Variants in LRRTM4 observed in about 807,000 individuals in gnomAD.
LRRTM4 encodes the protein leucine rich repeat transmembrane neuronal 4, also known as leucine-rich repeat transmembrane neuronal protein 4.
LRRTM4 carries 25 observed loss-of-function variants against 47.6 expected under a neutral mutation model. The observed-to-expected ratio is 0.53, with a 90% confidence interval of 0.38 to 0.73. The LOEUF (loss-of-function observed/expected upper bound fraction) is 0.73. LRRTM4 is among the 30% of genes least tolerant of loss of function. The pLI is 0.00. For missense variants in LRRTM4, 638 were observed against 713.4 expected (o/e 0.89, Z 1.20); for synonymous variants, 311 against 269.5 (o/e 1.15, Z -1.51).
At chr2:76,908,634 C>A (rs368145397) in intron 3 of LRRTM4, among the ~76,000 whole-genome samples, 1 of 152,148 alleles carries the variant, frequency 6.6e-6, no homozygotes, top group Non-Finnish European at 1.5e-5. Context: ...TGATAAGCAA[C>A]TTCAGCAAAG....
intron 3 of LRRTM4, among the ~76,000 whole-genome samples, chr2:76,750,285 A>C (rs1159471057): frequency 6.6e-6 from 1 of 152,206 alleles, no homozygotes; most frequent in African/African-American, 2.4e-5. Flanking sequence ...CAGCACTAGC[A>C]CCAGAGAGAT....
At chr2:77,160,856 A>AT (rs992848139) in intron 3 of LRRTM4, among the ~76,000 whole-genome samples, 3 of 151,986 alleles carry the variant, frequency 2.0e-5, no homozygotes, top group South Asian at 2.1e-4. Context: ...TTTCTGTCTG[A>AT]TTTTTTCCTT....
intron 3 of LRRTM4, among the ~76,000 whole-genome samples, chr2:77,002,051 C>A (rs115054746): frequency 6.6e-6 from 1 of 152,106 alleles, no homozygotes; most frequent in Non-Finnish European, 1.5e-5. Flanking sequence ...ATAAAATACA[C>A]GCTTAACATT....
chr2:76,813,805 CAT>C (rs1670818148), intron 3 of LRRTM4, among the ~76,000 whole-genome samples: 1 of 152,284 alleles, frequency 6.6e-6, no homozygotes, highest in Admixed American at 6.5e-5. Context: ...GAAGATACTA[CAT>C]AGAGTTCCCG....
intron 3 of LRRTM4, among the ~76,000 whole-genome samples, chr2:76,981,740 G>T (rs935432554): frequency 6.6e-6 from 1 of 151,876 alleles, no homozygotes; most frequent in Non-Finnish European, 1.5e-5. Flanking sequence ...TAATCTTCCC[G>T]CCTCAGCCTC....
At chr2:77,156,657 G>A (rs936820371) in intron 3 of LRRTM4, among the ~76,000 whole-genome samples, 1 of 151,150 alleles carries the variant, frequency 6.6e-6, no homozygotes, top group African/African-American at 2.4e-5. Context: ...CATGAAATTC[G>A]GGGTGAGGTA....
At chr2:77,086,790 C>T (rs779084710) in intron 3 of LRRTM4, among the ~76,000 whole-genome samples, 9 of 151,994 alleles carry the variant, frequency 5.9e-5, no homozygotes, top group Admixed American at 1.3e-4. Context: ...CCACTGAGCC[C>T]GGCCTATATG....
chr2:76,835,662 A>G (rs1385358768), intron 3 of LRRTM4, among the ~76,000 whole-genome samples: 1 of 152,104 alleles, frequency 6.6e-6, no homozygotes, highest in Admixed American at 6.6e-5. Flanking sequence ...GAAAAGCAAT[A>G]GCAAATGTGT....
chr2:76,969,595 G>A (rs1011551061), intron 3 of LRRTM4, among the ~76,000 whole-genome samples: 2 of 151,750 alleles, frequency 1.3e-5, no homozygotes, highest in Non-Finnish European at 2.9e-5. Context: ...GCTGAACCAA[G>A]CTTTGCACTT....
At chr2:77,049,155 T>TATATATAC (rs1553377463) in intron 3 of LRRTM4, among the ~76,000 whole-genome samples, 9 of 125,776 alleles carry the variant, frequency 7.2e-5, no homozygotes, top group African/African-American at 3.5e-4. Flanking sequence ...TATATATATA[T>TATATATAC]ATACACACAC....
Position 76,900,363 on chromosome 2 carries a change from A to G in LRRTM4, c.1552-151447T>C, listed in dbSNP as rs549513796. On this transcript the variant is annotated intron_variant, in intron 3 of 3. Coordinates refer to ENST00000409884, the MANE Select transcript of LRRTM4 (RefSeq NM_001134745.3). Reference sequence around the variant, plus strand: ...TATGAATTTATTTAAATAGTTTGCAATATGTATCAAAGGTTTCAAAACTTC... The same window carrying G: ...TATGAATTTATTTAAATAGTTTGCAGTATGTATCAAAGGTTTCAAAACTTC... Among the ~76,000 whole-genome samples, 24 of 152,194 alleles carry G rather than the reference A, an allele frequency of 1.6e-4. 1 individual carries two copies. Among genetic ancestry groups the G allele is most frequent in the African/African-American group, 5.8e-4 (24 of 41,556 alleles).
intron 3 of LRRTM4, among the ~76,000 whole-genome samples, chr2:77,163,860 A>G (rs1672801803): frequency 1.3e-5 from 2 of 152,208 alleles, no homozygotes; most frequent in Non-Finnish European, 2.9e-5. Context: ...AAAACATGCC[A>G]AATTGTAAAG....
rs187977782 is a variant in LRRTM4, at chr2:77,159,128, G to A, written c.1551+359190C>T. Among the ~76,000 whole-genome samples the A allele has an allele frequency of 3.3e-5, 5 of 152,248 alleles. No individual in the cohort carries two copies. The East Asian group carries it at 7.7e-4, about 24-fold the overall frequency. ...TGCAGATATTTTCTTGTGGAATAAA[G>A]TATCTTATTTGGAAGAACAGCTGAC... On this transcript the variant is annotated intron_variant, in intron 3 of 3. Transcript: ENST00000409884.
intron 3 of LRRTM4, among the ~76,000 whole-genome samples, chr2:77,366,405 T>C (rs76997216): frequency 0.017 from 2,655 of 152,014 alleles, 29 homozygotes; most frequent in Non-Finnish European, 0.029. Flanking sequence ...CTCAAATACT[T>C]CAAGGCTTAT....
intron 3 of LRRTM4, among the ~76,000 whole-genome samples, chr2:77,416,812 A>C (rs1484987014): frequency 1.3e-5 from 2 of 152,134 alleles, no homozygotes; most frequent in Non-Finnish European, 2.9e-5. Context: ...GGTCCTTAAA[A>C]TAAAGAGGTC....
At chr2:76,872,209 G>A (rs1672643095) in intron 3 of LRRTM4, among the ~76,000 whole-genome samples, 1 of 151,902 alleles carries the variant, frequency 6.6e-6, no homozygotes, top group Non-Finnish European at 1.5e-5. Flanking sequence ...TTTCCATATA[G>A]GAACATTAAA....
chr2:77,089,993 A>G lies in LRRTM4; in HGVS notation c.1552-341077T>C, dbSNP rs138092381. Reference sequence around the variant, plus strand: ...TGTCCCCTCAGTACTAACCCCAAGCATCGCTGAGTCTTTGTTATCTTCCTT... The same window carrying G: ...TGTCCCCTCAGTACTAACCCCAAGCGTCGCTGAGTCTTTGTTATCTTCCTT... On this transcript the variant is annotated intron_variant, in intron 3 of 3. Coordinates refer to ENST00000409884, the MANE Select transcript of LRRTM4 (RefSeq NM_001134745.3). Among the ~76,000 whole-genome samples the G allele has an allele frequency of 8.7e-3, 1,318 of 152,048 alleles. 13 individuals carry two copies. Among genetic ancestry groups the G allele is most frequent in the Non-Finnish European group, 0.014 (958 of 67,996 alleles).
intron 3 of LRRTM4, among the ~76,000 whole-genome samples, chr2:77,208,029 C>T (rs1558634013): frequency 6.6e-6 from 1 of 151,762 alleles, no homozygotes; most frequent in Non-Finnish European, 1.5e-5. Context: ...CAGGCACCTG[C>T]CACCATGCTC....
At chr2:77,143,932 A>G (rs886317076) in intron 3 of LRRTM4, among the ~76,000 whole-genome samples, 4 of 152,200 alleles carry the variant, frequency 2.6e-5, no homozygotes, top group Admixed American at 6.5e-5. Context: ...GTCATCACAT[A>G]TAACTTATTT....
Sources: gnomAD v4.1 joint callset for allele counts (sites outside exome capture counted in the v4.1 genomes callset) on GRCh38, gnomAD v4.1.1 for gene constraint, MANE v1.5 for transcripts, NCBI Gene and HGNC (gene_info 2026-07-23, HGNC 2026-07-21) for gene names.